PPP2R2B: variants seen among roughly 807,000 people sequenced by gnomAD.
PPP2R2B encodes protein phosphatase 2 regulatory subunit Bbeta, also known as serine/threonine-protein phosphatase 2A 55 kDa regulatory subunit B beta isoform.
PPP2R2B carries 5 observed loss-of-function variants against 46.0 expected under a neutral mutation model. That is an observed-to-expected ratio of 0.11 (90% CI 0.06 to 0.23). The LOEUF (loss-of-function observed/expected upper bound fraction) is 0.23. Ranked by LOEUF, PPP2R2B falls within the 10% of genes least tolerant of loss-of-function variation. The pLI is 1.00. For missense variants in PPP2R2B, 367 were observed against 575.0 expected (o/e 0.64, Z 3.70); for synonymous variants, 215 against 206.7 (o/e 1.04, Z -0.34).
chr5:146,907,111 T>C (rs765049650), intron 1 of PPP2R2B, among the ~76,000 whole-genome samples: 6 of 152,158 alleles, frequency 3.9e-5, no homozygotes, highest in Non-Finnish European at 7.3e-5. Flanking sequence ...AGTAGGAAAG[T>C]ACAGGAGGCT....
intron 2 of PPP2R2B, among the ~76,000 whole-genome samples, chr5:146,803,401 T>C (rs1055881295): frequency 1.3e-5 from 2 of 152,210 alleles, no homozygotes; most frequent in African/African-American, 4.8e-5. Flanking sequence ...AAGATAAAGG[T>C]CATTAATATT....
intron 7 of PPP2R2B, among the ~76,000 whole-genome samples, chr5:146,613,990 GA>G (rs1178131080): frequency 5.3e-4 from 56 of 105,466 alleles, no homozygotes; most frequent in Non-Finnish European, 8.6e-4. Context: ...CACAGAATTG[GA>G]AAAAACTACT....
At chr5:146,769,724 T>C (rs1754722761) in intron 2 of PPP2R2B, among the ~76,000 whole-genome samples, 1 of 152,250 alleles carries the variant, frequency 6.6e-6, no homozygotes, top group African/African-American at 2.4e-5. Flanking sequence ...ATTTGTAATA[T>C]GCTAGGCACT....
intron 2 of PPP2R2B, among the ~76,000 whole-genome samples, chr5:146,863,079 G>A (rs79795820): frequency 3.2e-3 from 478 of 151,674 alleles, no homozygotes; most frequent in Non-Finnish European, 4.6e-3. Context: ...GTCCTGGTGG[G>A]TGCTTACCAA....
chr5:146,935,768 G>A (rs1379537786), intron 1 of PPP2R2B, among the ~76,000 whole-genome samples: 1 of 152,148 alleles, frequency 6.6e-6, no homozygotes, highest in Admixed American at 6.6e-5. Context: ...GAAAAGGGTA[G>A]TAGAAAACAT....
At chr5:146,863,738 T>A (rs1220464197) in intron 2 of PPP2R2B, among the ~76,000 whole-genome samples, 2 of 152,140 alleles carry the variant, frequency 1.3e-5, no homozygotes, top group East Asian at 3.9e-4. Flanking sequence ...TTGTATAAAC[T>A]TTTTTAAATT....
intron 1 of PPP2R2B, among the ~76,000 whole-genome samples, chr5:146,939,759 T>C (rs1469557032): frequency 6.6e-6 from 1 of 152,216 alleles, no homozygotes; most frequent in East Asian, 1.9e-4. Context: ...GTTGCCTTTT[T>C]GACATTTTTT....
intron 6 of PPP2R2B, among the ~76,000 whole-genome samples, chr5:146,649,749 C>T (rs572537322): frequency 2.4e-4 from 36 of 152,184 alleles, no homozygotes; most frequent in Non-Finnish European, 1.6e-4. Context: ...TGCGGCCAGC[C>T]GACTTTTCTA....
chr5:146,942,818 G>A (rs1317382101), intron 1 of PPP2R2B, among the ~76,000 whole-genome samples: 2 of 147,494 alleles, frequency 1.4e-5, no homozygotes, highest in East Asian at 3.9e-4. Flanking sequence ...TTTTTTTTGA[G>A]ATGGAGTCTC....
Position 146,621,099 on chromosome 5 carries a change from A to G in PPP2R2B, c.790+17152T>C, listed in dbSNP as rs563444635. 1.2e-3 allele frequency among the ~76,000 whole-genome samples: 176 copies of G among 152,366 alleles called. 1 individual carries two copies. The highest frequency in any genetic ancestry group is 4.0e-3 in the African/African-American group (165 of 41,600). ...CGACAGCCCATCTTGGCATGGGCCA[A>G]GCACTGCCTGGAGGGACCCTGGTGT... is the stretch of plus-strand genomic sequence containing the variant. On this transcript the variant is annotated intron_variant, in intron 7 of 9. Transcript: ENST00000394411.
At chr5:146,629,755 C>CTCT (rs1561786300) in intron 7 of PPP2R2B, among the ~76,000 whole-genome samples, 16 of 150,754 alleles carry the variant, frequency 1.1e-4, no homozygotes, top group Admixed American at 1.3e-4. Flanking sequence ...CCCTCCCTCC[C>CTCT]CTTTTCTTCC....
intron 2 of PPP2R2B, among the ~76,000 whole-genome samples, chr5:147,079,434 T>TTATATATA (rs1260007870): frequency 2.3e-3 from 185 of 80,920 alleles, no homozygotes; most frequent in African/African-American, 7.6e-3. Context: ...CACACACATT[T>TTATATATA]TATATATATA....
Position 146,878,222 on chromosome 5 carries a change from G to A in PPP2R2B, c.-124-27C>T. ...TGAGGAGGAGACGGGGAGGCGGAGAGAAAAAAAATAAAAACCCGGCAATGG... is the reference window on the plus strand; with the variant it reads ...TGAGGAGGAGACGGGGAGGCGGAGAAAAAAAAAATAAAAACCCGGCAATGG... On this transcript the variant is annotated intron_variant, in intron 1 of 9. Transcript: ENST00000394411. The surrounding 1 kb of genome is among the most constrained non-coding windows in gnomAD (Gnocchi z 4.5). The A allele has an allele frequency of 2.0e-6, 3 of 1,534,600 alleles. No homozygotes were observed. Among genetic ancestry groups the A allele is most frequent in the Admixed American group, 2.1e-5 (1 of 46,946 alleles).
At position 146,585,404 on chromosome 5, in the gene PPP2R2B, T is replaced by C. The variant is rs1277892957; in HGVS notation, c.*4543A>G. The C allele has an allele frequency of 6.6e-6, 1 of 152,320 alleles. No individual in the cohort carries two copies. Among genetic ancestry groups the C allele is most frequent in the African/African-American group, 2.4e-5 (1 of 41,570 alleles). The allele number at this position is 152,320 out of a possible 1,614,324, so 9.4% of individuals were successfully genotyped here. The stretch of plus-strand genomic sequence containing the variant: ...TGGTTGTCATTCATCTGTTTCTGTA[T>C]CTATAAAATGAGAACAACAATAGTA... On this transcript the variant is annotated 3_prime_UTR_variant, in exon 10 of 10. Coordinates refer to ENST00000394411, the MANE Select transcript of PPP2R2B (RefSeq NM_181675.4).
chr5:146,871,393 C>CATG (rs1761608336), intron 2 of PPP2R2B, among the ~76,000 whole-genome samples: 1 of 152,230 alleles, frequency 6.6e-6, no homozygotes, highest in Admixed American at 6.5e-5. Context: ...AGTCTGGGAG[C>CATG]TGCATGCTTA....
At chr5:146,767,964 T>C (rs1025966408) in intron 2 of PPP2R2B, among the ~76,000 whole-genome samples, 6 of 152,234 alleles carry the variant, frequency 3.9e-5, no homozygotes, top group Non-Finnish European at 7.3e-5. Context: ...CAGAGCCATA[T>C]ATTTTTTAAA....
chr5:146,944,846 A>G (rs762061097), intron 1 of PPP2R2B, among the ~76,000 whole-genome samples: 2 of 152,170 alleles, frequency 1.3e-5, no homozygotes, highest in African/African-American at 2.4e-5. Flanking sequence ...AAGAAAACGA[A>G]TGTCTGATCT....
rs372080666 is a variant in PPP2R2B at position 146,710,970 on chromosome 5, TG to T, written c.71-9829del. Among the ~76,000 whole-genome samples the T allele has an allele frequency of 3.1e-3, 468 of 152,368 alleles. 4 individuals are homozygous for T. Among genetic ancestry groups the T allele is most frequent in the African/African-American group, 0.01 (435 of 41,592 alleles). ...GCTAAAATTCCCCATATTTTGGGACTGGCTCAGGTATCACTTCCTTAAGAAG... is the reference window on the plus strand; with the variant it reads ...GCTAAAATTCCCCATATTTTGGGACTGCTCAGGTATCACTTCCTTAAGAAG... On this transcript the variant is annotated intron_variant, in intron 2 of 9. Coordinates refer to ENST00000394411, the MANE Select transcript of PPP2R2B (RefSeq NM_181675.4).
At chr5:146,912,339 A>G (rs1480203615) in intron 1 of PPP2R2B, among the ~76,000 whole-genome samples, 2 of 150,736 alleles carry the variant, frequency 1.3e-5, no homozygotes, top group African/African-American at 4.9e-5. Flanking sequence ...TTCCTGAATG[A>G]GGAGATTTTC....
Sources: gnomAD v4.1 joint callset for allele counts (sites outside exome capture counted in the v4.1 genomes callset) on GRCh38, gnomAD v4.1.1 for gene constraint, Gnocchi (gnomAD v3.1) non-coding constraint, MANE v1.5 for transcripts, NCBI Gene and HGNC (gene_info 2026-07-23, HGNC 2026-07-21) for gene names.